Variants in CYTH1 observed in about 807,000 individuals in gnomAD.
CYTH1 encodes cytohesin-1.
A neutral mutation model predicts 61.8 loss-of-function variants in CYTH1; 18 were observed. The observed-to-expected ratio is 0.29, with a 90% CI of 0.20 to 0.43. The LOEUF is 0.43. Ranked by LOEUF, CYTH1 falls within the 20% of genes least tolerant of loss-of-function variation. CYTH1 has a pLI of 1.00. For synonymous variants in CYTH1, 174 were observed against 184.3 expected (o/e 0.94, Z 0.45); for missense variants, 336 against 510.5 (o/e 0.66, Z 3.29).
intron 1 of CYTH1, among the ~76,000 whole-genome samples, chr17:78,748,949 C>A (rs148359457): frequency 6.6e-6 from 1 of 152,160 alleles, no homozygotes; most frequent in Non-Finnish European, 1.5e-5. Context: ...TGAACCAGCG[C>A]GGTCCTGCCA....
At chr17:78,691,807 CT>C (rs1487007298) in intron 11 of CYTH1, 1 of 152,232 alleles carries the variant, frequency 6.6e-6, no homozygotes, top group Middle Eastern at 3.2e-3. Context: ...TTTTTACTTT[CT>C]TTGGCTATTA....
rs144706661 is a variant in CYTH1 at position 78,730,260 on chromosome 17, T to C, written c.23-20528A>G. ...CACTGACTAGGCCGGGCGCGGTGTC[T>C]CACGCCTTTAATCCCAGCACTTTGG... On this transcript the variant is annotated intron_variant, in intron 1 of 13. Transcript: ENST00000446868. 1.1e-3 allele frequency among the ~76,000 whole-genome samples: 159 copies of C among 151,010 alleles called. 1 individual carries two copies. The highest frequency in any genetic ancestry group is 3.8e-3 in the African/African-American group (156 of 41,046).
chr17:78,708,348 C>CA lies in CYTH1; in HGVS notation c.106-88dup, dbSNP rs1329415481. 2.4e-6 allele frequency: 3 copies of CA among 1,243,146 alleles called. No homozygotes were observed. In the African/African-American group the frequency reaches 4.7e-5, roughly 19 times the overall value. 77.0% of individuals were successfully genotyped at this position (1,243,146 alleles called of 1,614,324 possible). A position where few individuals can be genotyped will look rare whatever the true frequency, so the allele number is the denominator to read the frequency against. On this transcript the variant is annotated intron_variant, in intron 2 of 13. Transcript: ENST00000446868. ...AAAATCTCACATAACTCCCTCCAAC[C>CA]AAAAACAAAATAAAGCAAAATGAAA...
At chr17:78,688,285 T>C (rs1257080957) in intron 11 of CYTH1, among the ~76,000 whole-genome samples, 1 of 152,188 alleles carries the variant, frequency 6.6e-6, no homozygotes, top group Non-Finnish European at 1.5e-5. Context: ...AGCCGTGGTG[T>C]TGGTTGGCAA....
At chr17:78,737,180 G>A (rs1331988304) in intron 1 of CYTH1, among the ~76,000 whole-genome samples, 1 of 152,138 alleles carries the variant, frequency 6.6e-6, no homozygotes, top group East Asian at 1.9e-4. Flanking sequence ...CAGGAACTCC[G>A]ATGGACACCA....
chr17:78,701,776 G>C (rs1056219208), intron 5 of CYTH1, 25 bp from the exon 6 acceptor site: 2 of 1,611,472 alleles, frequency 1.2e-6, no homozygotes, highest in East Asian at 2.2e-5. Context: ...CAAAAAATGG[G>C]AGAGAAAGCA....
In CYTH1 at chr17:78,700,198, C is replaced by A. The variant is rs1015197132; in HGVS notation, c.550+133G>T. On this transcript the variant is annotated intron_variant, in intron 7 of 13. Coordinates refer to ENST00000446868, the MANE Select transcript of CYTH1 (RefSeq NM_004762.6). The surrounding 1 kb of genome is among the most constrained non-coding windows in gnomAD (Gnocchi z 5.1). ...CTTTCAGGTTATTTCCAACATTTTA[C>A]TATTATAACTATCATTGAGTAAACG... is the stretch of plus-strand genomic sequence containing the variant. The A allele has an allele frequency of 1.1e-5, 8 of 738,782 alleles. No homozygotes were observed. The African/African-American group carries it at 1.3e-4, about 12-fold the overall frequency. 45.8% of individuals were successfully genotyped at this position (738,782 alleles called of 1,614,324 possible).
chr17:78,691,810 TG>T (rs1237066416), intron 11 of CYTH1: 2 of 152,262 alleles, frequency 1.3e-5, no homozygotes, highest in African/African-American at 4.8e-5. Context: ...TTACTTTCTT[TG>T]GCTATTATTA....
chr17:78,774,152 T>A (rs1210486068), intron 1 of CYTH1, among the ~76,000 whole-genome samples: 3 of 152,042 alleles, frequency 2.0e-5, no homozygotes, highest in African/African-American at 7.3e-5. Flanking sequence ...AAGAAAAGAG[T>A]AAATTGGTGC....
At position 78,674,116 on chromosome 17, in the gene CYTH1, A is replaced by G. The variant is rs1386615120; in HGVS notation, c.*1975T>C. ...GCTAGTTTACAAGGCAAAAACAAAC[A>G]AACAAAAACAATTAGAATAATTATT... is the stretch of plus-strand genomic sequence containing the variant. On this transcript the variant is annotated 3_prime_UTR_variant, in exon 14 of 14. Transcript: ENST00000446868. 2.0e-5 allele frequency: 3 copies of G among 152,812 alleles called. No individual in the cohort carries two copies. The highest frequency in any genetic ancestry group is 4.1e-4 in the South Asian group (2 of 4,832). The allele number at this position is 152,812 out of a possible 1,614,324, so 9.5% of individuals were successfully genotyped here. A position where few individuals can be genotyped will look rare whatever the true frequency, so the allele number is the denominator to read the frequency against.
At chr17:78,765,187 G>A (rs1461781489) in intron 1 of CYTH1, among the ~76,000 whole-genome samples, 3 of 152,070 alleles carry the variant, frequency 2.0e-5, no homozygotes, top group Non-Finnish European at 4.4e-5. Context: ...TGGGTCCCAA[G>A]GAACAGGAGC....
intron 1 of CYTH1, among the ~76,000 whole-genome samples, chr17:78,761,771 A>T (rs2093429952): frequency 1.3e-5 from 2 of 152,200 alleles, no homozygotes; most frequent in African/African-American, 2.4e-5. Flanking sequence ...ATTTTTAAAA[A>T]CTTTTTAAAG....
intron 11 of CYTH1, among the ~76,000 whole-genome samples, chr17:78,686,560 T>A (rs1419247967): frequency 6.6e-6 from 1 of 152,098 alleles, no homozygotes; most frequent in African/African-American, 2.4e-5. Flanking sequence ...TGGTGAGTGG[T>A]GGGAGAGCTC....
chr17:78,747,231 T>C (rs1407864319), intron 1 of CYTH1, among the ~76,000 whole-genome samples: 2 of 146,608 alleles, frequency 1.4e-5, no homozygotes, highest in Non-Finnish European at 3.0e-5. Flanking sequence ...GCCAGGCTCG[T>C]AGAGTAAGAA....
At chr17:78,678,685 A>G (rs4796833) in intron 13 of CYTH1, among the ~76,000 whole-genome samples, 150,948 of 152,298 alleles carry the variant, frequency 0.99, 74,845 homozygotes, top group Middle Eastern at 1. Flanking sequence ...ACACCGTGGC[A>G]CCGCGTCTGC....
intron 12 of CYTH1, 40 bp downstream of exon 12, chr17:78,680,930 TC>T: frequency 6.3e-7 from 1 of 1,592,194 alleles, no homozygotes; most frequent in Non-Finnish European, 8.6e-7. Context: ...GAAATGCCCA[TC>T]CCCTTTCTCC....
chr17:78,709,533 T>C (rs1413007888), intron 2 of CYTH1, 117 bp downstream of exon 2: 7 of 944,070 alleles, frequency 7.4e-6, no homozygotes, highest in Middle Eastern at 2.3e-4. Context: ...TGCAGAGCTG[T>C]AGTGAGGGCA....
intron 1 of CYTH1, among the ~76,000 whole-genome samples, chr17:78,779,302 A>T (rs1010027195): frequency 5.4e-5 from 8 of 147,410 alleles, no homozygotes; most frequent in African/African-American, 2.0e-4. Flanking sequence ...CAGGAGGCTG[A>T]GGCAGGAGAA....
chr17:78,724,727 G>A (rs8068876), intron 1 of CYTH1, among the ~76,000 whole-genome samples: 13 of 152,180 alleles, frequency 8.5e-5, no homozygotes, highest in Admixed American at 2.6e-4. Context: ...GTCTCCTGCC[G>A]TTAGGAAATC....
Sources: allele counts gnomAD v4.1 joint callset (sites outside exome capture counted in the v4.1 genomes callset), GRCh38; gene constraint gnomAD v4.1.1; non-coding constraint Gnocchi (gnomAD v3.1); transcripts MANE v1.5; gene names NCBI Gene and HGNC (gene_info 2026-07-23, HGNC 2026-07-21).